The following SEPTIN9 variants were observed in gnomAD, a reference collection of about 807,000 sequenced individuals.
The protein encoded by SEPTIN9 is septin-9.
In SEPTIN9, 13 loss-of-function variants were observed where a neutral mutation model predicts 56.6. The observed-to-expected ratio is 0.23, with a 90% CI of 0.15 to 0.37. The LOEUF (loss-of-function observed/expected upper bound fraction) is 0.37, where lower values mean the gene tolerates loss of function less well. SEPTIN9 is among the 10% of genes least tolerant of loss of function. The pLI, the probability that SEPTIN9 is intolerant of heterozygous loss-of-function variation, is 1.00. For synonymous variants in SEPTIN9, 332 were observed against 334.1 expected (o/e 0.99, Z 0.07); for missense variants, 650 against 823.1 (o/e 0.79, Z 2.57).
chr17:77,455,328 GCT>G (rs2038151554), intron 3 of SEPTIN9, among the ~76,000 whole-genome samples: 1 of 152,176 alleles, frequency 6.6e-6, no homozygotes, highest in African/African-American at 2.4e-5. Context: ...GGGGCCCTTC[GCT>G]CTCTGTCCCG....
intron 2 of SEPTIN9, among the ~76,000 whole-genome samples, chr17:77,351,469 T>G (rs977444781): frequency 6.6e-6 from 1 of 152,230 alleles, no homozygotes; most frequent in Non-Finnish European, 1.5e-5. Context: ...GAGTGGCTCC[T>G]GTCCCGGGCT....
intron 1 of SEPTIN9, chr17:77,294,792 G>A (rs1206485846): frequency 6.6e-6 from 1 of 152,322 alleles, no homozygotes; most frequent in Non-Finnish European, 1.5e-5. Flanking sequence ...CTGGACCCGT[G>A]CATTTCAAAT....
chr17:77,472,597 T>G (rs1441031384), intron 3 of SEPTIN9: 1 of 152,232 alleles, frequency 6.6e-6, no homozygotes, highest in Non-Finnish European at 1.5e-5. Flanking sequence ...AGCCCCATAG[T>G]GGAAACCGGA....
At chr17:77,344,484 C>T (rs2033827768) in intron 2 of SEPTIN9, among the ~76,000 whole-genome samples, 3 of 152,216 alleles carry the variant, frequency 2.0e-5, no homozygotes, top group Admixed American at 1.3e-4. Context: ...ATGACCATAA[C>T]ATCCAGTGAT....
intron 2 of SEPTIN9, among the ~76,000 whole-genome samples, chr17:77,338,481 C>T (rs773113973): frequency 6.6e-6 from 1 of 151,996 alleles, no homozygotes; most frequent in Non-Finnish European, 1.5e-5. Flanking sequence ...TGCAGTGGCA[C>T]GATTTCAGCT....
intron 8 of SEPTIN9, among the ~76,000 whole-genome samples, chr17:77,491,291 A>C (rs1032794050): frequency 6.6e-6 from 1 of 151,790 alleles, no homozygotes; most frequent in Non-Finnish European, 1.5e-5. Context: ...ATCATGGCTC[A>C]CTGCAGCCTC....
Position 77,319,461 on chromosome 17 carries a change from C to A in SEPTIN9, c.76+12264C>A. On this transcript the variant is annotated intron_variant, in intron 2 of 11. Transcript: ENST00000427177. The surrounding 1 kb of genome is among the most constrained non-coding windows in gnomAD (Gnocchi z 5.3). Reference sequence around the variant, plus strand: ...TGACTCATGCGTGTGTGGTAGGAATCTTCCAGGAAGTCCCCGTCCCGTTCG... The same window carrying A: ...TGACTCATGCGTGTGTGGTAGGAATATTCCAGGAAGTCCCCGTCCCGTTCG... 1.3e-6 allele frequency: 1 copy of A among 776,742 alleles called. No homozygotes were observed. Among genetic ancestry groups the A allele is most frequent in the Non-Finnish European group, 1.6e-6 (1 of 626,352 alleles). 48.1% of individuals were successfully genotyped at this position (776,742 alleles called of 1,614,324 possible).
chr17:77,374,777 C>T (rs2034859636), intron 2 of SEPTIN9: 1 of 152,366 alleles, frequency 6.6e-6, no homozygotes, highest in South Asian at 2.1e-4. Flanking sequence ...CCTGGGGGAC[C>T]AGAACTTTGG....
At chr17:77,340,826 C>G (rs2143755311) in intron 2 of SEPTIN9, among the ~76,000 whole-genome samples, 1 of 152,374 alleles carries the variant, frequency 6.6e-6, no homozygotes, top group South Asian at 2.1e-4. Flanking sequence ...TCAGCACCTG[C>G]TGCTTCACCT....
rs962847563 is a variant in SEPTIN9, at chr17:77,434,610, G to T, written c.721+31907G>T. 2.6e-5 allele frequency among the ~76,000 whole-genome samples: 4 copies of T among 152,146 alleles called. No homozygotes were observed. The highest frequency in any genetic ancestry group is 2.0e-4 in the Admixed American group (3 of 15,270). Reference sequence around the variant, plus strand: ...CCTGTGGTTGAAGGTGCCCTGGCAGGACCTGCACCATGACCCCCGTCAAAG... The same window carrying T: ...CCTGTGGTTGAAGGTGCCCTGGCAGTACCTGCACCATGACCCCCGTCAAAG... On this transcript the variant is annotated intron_variant, in intron 3 of 11. Coordinates refer to ENST00000427177, the MANE Select transcript of SEPTIN9 (RefSeq NM_001113491.2). This position sits in a 1 kb window ranked among gnomAD's most constrained non-coding sequence, Gnocchi z 5.0.
Position 77,475,601 on chromosome 17 carries a change from A to T in SEPTIN9, c.722-6543A>T. 6.2e-7 allele frequency: 1 copy of T among 1,613,584 alleles called. No homozygotes were observed. The highest frequency in any genetic ancestry group is 8.5e-7 in the Non-Finnish European group (1 of 1,179,842). On this transcript the variant is annotated intron_variant, in intron 3 of 11. Transcript: ENST00000427177. The surrounding 1 kb of genome is among the most constrained non-coding windows in gnomAD (Gnocchi z 4.6). ...TGGCCCCAGGGTCTGGATTCAGGGG[A>T]GCCTGCAGAGGGAGGGCAGCTGGAG...
At chr17:77,395,745 A>G (rs552864341) in intron 2 of SEPTIN9, among the ~76,000 whole-genome samples, 1 of 152,288 alleles carries the variant, frequency 6.6e-6, no homozygotes, top group Non-Finnish European at 1.5e-5. Context: ...GGATCTTTGT[A>G]TACATCTTGT....
At chr17:77,466,912 G>A (rs567752840) in intron 3 of SEPTIN9, among the ~76,000 whole-genome samples, 37 of 152,276 alleles carry the variant, frequency 2.4e-4, no homozygotes, top group Non-Finnish European at 4.4e-4. Flanking sequence ...TTCCCCTGGT[G>A]CTCAGCTCGG....
intron 3 of SEPTIN9, among the ~76,000 whole-genome samples, chr17:77,415,581 T>C (rs2036471028): frequency 6.7e-6 from 1 of 149,078 alleles, no homozygotes; most frequent in Non-Finnish European, 1.5e-5. Flanking sequence ...TGAGCCAAAA[T>C]TGCGCCACTG....
intron 3 of SEPTIN9, among the ~76,000 whole-genome samples, chr17:77,412,505 A>T (rs1445413587): frequency 6.6e-6 from 1 of 152,106 alleles, no homozygotes; most frequent in Non-Finnish European, 1.5e-5. Flanking sequence ...GGGAGGCTGA[A>T]GTGGGCGGAT....
rs543603984 is a variant in SEPTIN9 at position 77,450,909 on chromosome 17, A to G, written c.722-31235A>G. On this transcript the variant is annotated intron_variant, in intron 3 of 11. Coordinates refer to ENST00000427177, the MANE Select transcript of SEPTIN9 (RefSeq NM_001113491.2). The surrounding 1 kb of genome is among the most constrained non-coding windows in gnomAD (Gnocchi z 6.0). Reference sequence around the variant, plus strand: ...GTGGCTGTGTTCCAGCCCTGGCTGCAGGTCTGAATGGCTTTCTGGGGTGGC... The same window carrying G: ...GTGGCTGTGTTCCAGCCCTGGCTGCGGGTCTGAATGGCTTTCTGGGGTGGC... The G allele has an allele frequency of 4.1e-4, 275 of 672,768 alleles. No homozygotes were observed. Among genetic ancestry groups the G allele is most frequent in the Admixed American group, 1.0e-3 (16 of 15,884 alleles). 41.7% of individuals were successfully genotyped at this position (672,768 alleles called of 1,614,324 possible).
In SEPTIN9 at chr17:77,466,106, ACG is replaced by A. The variant is rs1282815675; in HGVS notation, c.722-16037_722-16036del. ...CACACACACACACACACACACACAC[ACG>A]AGTAAACTGTAACACAAATGTGTGC... On this transcript the variant is annotated intron_variant, in intron 3 of 11. Coordinates refer to ENST00000427177, the MANE Select transcript of SEPTIN9 (RefSeq NM_001113491.2). 2.7e-4 allele frequency among the ~76,000 whole-genome samples: 37 copies of A among 139,354 alleles called. No homozygotes were observed. The South Asian group carries it at 8.6e-3, about 32-fold the overall frequency. 91.4% of individuals were successfully genotyped at this position (139,354 alleles called of 152,430 possible). A position where few individuals can be genotyped will look rare whatever the true frequency, so the allele number is the denominator to read the frequency against.
intron 3 of SEPTIN9, among the ~76,000 whole-genome samples, chr17:77,460,846 C>T (rs975418125): frequency 7.2e-5 from 11 of 152,166 alleles, no homozygotes; most frequent in African/African-American, 2.7e-4. Context: ...TGCCCAGAGA[C>T]CTTGGGGATG....
rs1176333635 is a variant in SEPTIN9, at chr17:77,445,393, A to T, written c.722-36751A>T. On this transcript the variant is annotated intron_variant, in intron 3 of 11. Transcript: ENST00000427177. The surrounding 1 kb of genome is among the most constrained non-coding windows in gnomAD (Gnocchi z 4.7). The stretch of plus-strand genomic sequence containing the variant: ...GCTGCATCCCATTGGGGTGTTGCCC[A>T]GGATGGATTGGAAAAGAGTTGGCAG... 2 of 467,700 alleles carry T rather than the reference A, an allele frequency of 4.3e-6. No individual in the cohort carries two copies. Among genetic ancestry groups the T allele is most frequent in the East Asian group, 1.4e-4 (2 of 14,400 alleles). 29.0% of individuals were successfully genotyped at this position (467,700 alleles called of 1,614,324 possible).
Sources: allele counts gnomAD v4.1 joint callset (sites outside exome capture counted in the v4.1 genomes callset), GRCh38; gene constraint gnomAD v4.1.1; non-coding constraint Gnocchi (gnomAD v3.1); transcripts MANE v1.5; gene names NCBI Gene and HGNC (gene_info 2026-07-23, HGNC 2026-07-21).